Variants in CHCHD6 observed in about 807,000 individuals in gnomAD.
CHCHD6 encodes the protein coiled-coil-helix-coiled-coil-helix domain containing 6.
In CHCHD6, 28 loss-of-function variants were observed where a neutral mutation model predicts 32.3. The observed-to-expected ratio is 0.87, with a 90% CI of 0.64 to 1.19. The LOEUF is 1.19. CHCHD6 is among the 50% of genes most tolerant of loss of function. CHCHD6 has a pLI of 0.00. For synonymous variants in CHCHD6, 122 were observed against 117.5 expected (o/e 1.04, Z -0.25); for missense variants, 333 against 307.0 (o/e 1.08, Z -0.63).
Position 126,864,877 on chromosome 3 carries a change from T to TCCTCCTCCTCCACCATCA in CHCHD6, c.495+12169_495+12186dup, listed in dbSNP as rs1372736943. On this transcript the variant is annotated intron_variant, in intron 5 of 7. Coordinates refer to ENST00000290913, the MANE Select transcript of CHCHD6 (RefSeq NM_032343.3). ...CTCTTCCTCCTCCACCATCATCTCC[T>TCCTCCTCCTCCACCATCA]CCTCCTCCTCCACCATCACCTCCTC... Among the ~76,000 whole-genome samples, 179 of 124,042 alleles carry TCCTCCTCCTCCACCATCA rather than the reference T, an allele frequency of 1.4e-3. 2 individuals carry two copies. Among genetic ancestry groups the TCCTCCTCCTCCACCATCA allele is most frequent in the Non-Finnish European group, 2.2e-3 (139 of 63,532 alleles). 81.4% of individuals were successfully genotyped at this position (124,042 alleles called of 152,430 possible).
rs1026754195 is a variant in CHCHD6, at chr3:126,780,340, A to G, written c.411+47118A>G. 6 of 437,102 alleles carry G rather than the reference A, an allele frequency of 1.4e-5. 1 individual carries two copies. In the Middle Eastern group the frequency reaches 9.9e-4, roughly 72 times the overall value. The allele number at this position is 437,102 out of a possible 1,614,324, so 27.1% of individuals were successfully genotyped here. On this transcript the variant is annotated intron_variant, in intron 4 of 7. Coordinates refer to ENST00000290913, the MANE Select transcript of CHCHD6 (RefSeq NM_032343.3). Reference sequence around the variant, plus strand: ...CATTTGTGGTTTTATTTTTGAACAGATAATACATTGACATGATTCAAAAGT... The same window carrying G: ...CATTTGTGGTTTTATTTTTGAACAGGTAATACATTGACATGATTCAAAAGT...
At chr3:126,819,088 T>C (rs1940039892) in intron 4 of CHCHD6, among the ~76,000 whole-genome samples, 1 of 152,214 alleles carries the variant, frequency 6.6e-6, no homozygotes, top group South Asian at 2.1e-4. Context: ...AGACACTTGC[T>C]TCCTTTCTGT....
intron 4 of CHCHD6, among the ~76,000 whole-genome samples, chr3:126,813,699 A>G (rs1483671220): frequency 1.3e-5 from 2 of 152,220 alleles, no homozygotes; most frequent in East Asian, 1.9e-4. Context: ...TTGGATGCCC[A>G]TCAGCTGGCC....
intron 4 of CHCHD6, among the ~76,000 whole-genome samples, chr3:126,837,470 A>G (rs1940906807): frequency 6.6e-6 from 1 of 152,126 alleles, no homozygotes; most frequent in Non-Finnish European, 1.5e-5. Flanking sequence ...AAGTGGGAGG[A>G]TGGCTTGTGC....
chr3:126,880,442 A>G (rs1311276813), intron 5 of CHCHD6, among the ~76,000 whole-genome samples: 1 of 152,168 alleles, frequency 6.6e-6, no homozygotes, highest in Non-Finnish European at 1.5e-5. Flanking sequence ...TCTCACACAG[A>G]ACAGAACCAA....
At chr3:126,810,993 A>G (rs1377284141) in intron 4 of CHCHD6, among the ~76,000 whole-genome samples, 1 of 152,200 alleles carries the variant, frequency 6.6e-6, no homozygotes, top group East Asian at 1.9e-4. Context: ...CAGCCCATGG[A>G]TAATTGGTTG....
chr3:126,733,360 T>A, intron 4 of CHCHD6, 138 bp downstream of exon 4: 1 of 771,358 alleles, frequency 1.3e-6, no homozygotes, highest in Non-Finnish European at 2.1e-6. Flanking sequence ...TTCACCTCTG[T>A]GGAAAAGGGT....
At chr3:126,827,733 T>C (rs1010304344) in intron 4 of CHCHD6, among the ~76,000 whole-genome samples, 5 of 152,200 alleles carry the variant, frequency 3.3e-5, no homozygotes, top group Admixed American at 6.5e-5. Context: ...GAAAAAGATA[T>C]AGATGAATGG....
At chr3:126,825,960 GA>G (rs1425244763) in intron 4 of CHCHD6, among the ~76,000 whole-genome samples, 2 of 152,230 alleles carry the variant, frequency 1.3e-5, no homozygotes, top group African/African-American at 4.8e-5. Context: ...TCTTCTCTCT[GA>G]AGGACTCTTT....
chr3:126,764,160 T>G (rs1054898729), intron 4 of CHCHD6, among the ~76,000 whole-genome samples: 1 of 147,718 alleles, frequency 6.8e-6, no homozygotes, highest in East Asian at 2.0e-4. Flanking sequence ...GAAATATATA[T>G]ATACACACAC....
intron 4 of CHCHD6, among the ~76,000 whole-genome samples, chr3:126,821,943 A>AT (rs1330021811): frequency 3.3e-5 from 5 of 152,092 alleles, no homozygotes; most frequent in African/African-American, 9.7e-5. Context: ...GAGTTGGAGA[A>AT]TTTTTTATAT....
At chr3:126,863,372 CCTCCTCCTCT>C (rs1942040352) in intron 5 of CHCHD6, among the ~76,000 whole-genome samples, 1 of 140,140 alleles carries the variant, frequency 7.1e-6, no homozygotes, top group Admixed American at 6.9e-5. Context: ...ACCACCTCCT[CCTCCTCCTCT>C]ACCATCACCA....
chr3:126,727,692 G>A (rs1935599459), intron 2 of CHCHD6, among the ~76,000 whole-genome samples: 1 of 152,180 alleles, frequency 6.6e-6, no homozygotes, highest in African/African-American at 2.4e-5. Flanking sequence ...TCTAGGAGGG[G>A]TCCTAGGAGT....
intron 4 of CHCHD6, among the ~76,000 whole-genome samples, chr3:126,788,412 C>G (rs1280185890): frequency 6.6e-6 from 1 of 152,192 alleles, no homozygotes; most frequent in Non-Finnish European, 1.5e-5. Flanking sequence ...ACCAGCTCCT[C>G]CTTGTACCTC....
intron 6 of CHCHD6, among the ~76,000 whole-genome samples, chr3:126,922,057 G>T (rs1272938198): frequency 6.6e-6 from 1 of 152,214 alleles, no homozygotes; most frequent in Non-Finnish European, 1.5e-5. Flanking sequence ...TTTCTATGCA[G>T]AAATTTACTG....
chr3:126,806,232 A>G (rs569950605), intron 4 of CHCHD6, among the ~76,000 whole-genome samples: 34 of 152,318 alleles, frequency 2.2e-4, no homozygotes, highest in Admixed American at 3.3e-4. Flanking sequence ...GCTTCTGCAC[A>G]GCAAAAGAAA....
At chr3:126,721,565 T>C (rs953059385) in intron 1 of CHCHD6, among the ~76,000 whole-genome samples, 1 of 152,234 alleles carries the variant, frequency 6.6e-6, no homozygotes, top group African/African-American at 2.4e-5. Context: ...TCTCCCTTTT[T>C]ATTTGTAACA....
chr3:126,914,512 A>G (rs1248395303), intron 5 of CHCHD6, among the ~76,000 whole-genome samples, 168 bp from the exon 6 acceptor site: 2 of 152,368 alleles, frequency 1.3e-5, no homozygotes, highest in East Asian at 3.9e-4. Context: ...ATTCTGTAGC[A>G]GCAGCCATGC....
chr3:126,960,136 G>T (rs958461215), intron 7 of CHCHD6, 60 bp from the exon 8 acceptor site: 2 of 1,550,000 alleles, frequency 1.3e-6, no homozygotes, highest in African/African-American at 2.7e-5. Flanking sequence ...CGATCTGCAC[G>T]GAGCTGGAGG....
Sources: gnomAD v4.1 joint callset for allele counts (sites outside exome capture counted in the v4.1 genomes callset) on GRCh38, gnomAD v4.1.1 for gene constraint, MANE v1.5 for transcripts, NCBI Gene and HGNC (gene_info 2026-07-23, HGNC 2026-07-21) for gene names.